Variants in GLG1 observed in about 807,000 individuals in gnomAD.
The protein encoded by GLG1 is Golgi apparatus protein 1.
GLG1 carries 38 observed loss-of-function variants against 160.5 expected under a neutral mutation model. The ratio of observed to expected loss-of-function variants is 0.24; its 90% confidence interval spans 0.18 to 0.31. The LOEUF is 0.31. GLG1 is among the 10% of genes least tolerant of loss of function. The pLI, the probability that GLG1 is intolerant of heterozygous loss-of-function variation, is 1.00. For missense variants in GLG1, 1,373 were observed against 1,505.2 expected (o/e 0.91, Z 1.45); for synonymous variants, 644 against 543.4 (o/e 1.19, Z -2.57).
chr16:74,505,228 C>G (rs1456835021), intron 3 of GLG1, among the ~76,000 whole-genome samples: 1 of 152,198 alleles, frequency 6.6e-6, no homozygotes, highest in Non-Finnish European at 1.5e-5. Context: ...TTGTCTTCAC[C>G]TCTAACTCCA....
At position 74,531,031 on chromosome 16, in the gene GLG1, G is replaced by A. The variant is rs180761232; in HGVS notation, c.471+1090C>T. Among the ~76,000 whole-genome samples, 17 of 152,204 alleles carry A rather than the reference G, an allele frequency of 1.1e-4. No individual in the cohort carries two copies. In the East Asian group the frequency reaches 2.5e-3, roughly 22 times the overall value. On this transcript the variant is annotated intron_variant, in intron 2 of 25. Transcript: ENST00000422840. ...ACTTTTTTACAAAACATTTTTTGGGGAGAAAACTTTCAATGTAATCAGATA... is the reference window on the plus strand; with the variant it reads ...ACTTTTTTACAAAACATTTTTTGGGAAGAAAACTTTCAATGTAATCAGATA...
At position 74,452,153 on chromosome 16, in the gene GLG1, G is replaced by C. The variant is rs759527869; in HGVS notation, c.*1014C>G. The stretch of plus-strand genomic sequence containing the variant: ...TAGCCTGAAAAATAAAGCAAAGTGA[G>C]TCAAACCTCTGGCTCCCACTTCCTG... On this transcript the variant is annotated 3_prime_UTR_variant, in exon 26 of 26. Coordinates refer to ENST00000422840, the MANE Select transcript of GLG1 (RefSeq NM_001145667.2). 2.5e-6 allele frequency: 4 copies of C among 1,613,230 alleles called. No homozygotes were observed. The highest frequency in any genetic ancestry group is 3.4e-6 in the Non-Finnish European group (4 of 1,179,466).
intron 1 of GLG1, among the ~76,000 whole-genome samples, chr16:74,573,581 CT>C (rs34868210): frequency 0.016 from 1,642 of 102,590 alleles, 27 homozygotes; most frequent in African/African-American, 0.043. Context: ...TTTATCTTGC[CT>C]TTTTTTTTTT....
At chr16:74,511,727 A>T (rs1270805673) in intron 2 of GLG1, among the ~76,000 whole-genome samples, 1 of 152,178 alleles carries the variant, frequency 6.6e-6, no homozygotes, top group Non-Finnish European at 1.5e-5. Flanking sequence ...TCGAATGCAA[A>T]GTCAGATGTC....
chr16:74,605,741 A>T (rs546234712), intron 1 of GLG1, among the ~76,000 whole-genome samples: 23 of 149,806 alleles, frequency 1.5e-4, no homozygotes, highest in South Asian at 1.3e-3. Flanking sequence ...TCTGATATTT[A>T]AAAAAAAAAC....
intron 8 of GLG1, among the ~76,000 whole-genome samples, chr16:74,486,713 A>G (rs1220894341): frequency 6.6e-6 from 1 of 152,178 alleles, no homozygotes; most frequent in Non-Finnish European, 1.5e-5. Context: ...ACTGAGTTCT[A>G]TTAATAGTTC....
In GLG1 at chr16:74,492,864, T is replaced by C. The variant is rs114290621; in HGVS notation, c.1234+93A>G. Reference sequence around the variant, plus strand: ...AGAAAAATACTCAAAGAAGCAAATATGGGAGGAAACTAACGTTTATATATA... The same window carrying C: ...AGAAAAATACTCAAAGAAGCAAATACGGGAGGAAACTAACGTTTATATATA... On this transcript the variant is annotated intron_variant, in intron 7 of 25. Transcript: ENST00000422840. The C allele has an allele frequency of 4.5e-3, 2,725 of 609,204 alleles. 51 individuals carry two copies. In the African/African-American group the frequency reaches 0.049, roughly 11 times the overall value. The allele number at this position is 609,204 out of a possible 1,614,324, so 37.7% of individuals were successfully genotyped here. A position where few individuals can be genotyped will look rare whatever the true frequency, so the allele number is the denominator to read the frequency against.
In GLG1 at chr16:74,599,692, G is replaced by A. The variant is rs977205874; in HGVS notation, c.438+6965C>T. Among the ~76,000 whole-genome samples, 8 of 152,118 alleles carry A rather than the reference G, an allele frequency of 5.3e-5. No individual in the cohort carries two copies. In the South Asian group the frequency reaches 1.2e-3, roughly 24 times the overall value. On this transcript the variant is annotated intron_variant, in intron 1 of 25. Coordinates refer to ENST00000422840, the MANE Select transcript of GLG1 (RefSeq NM_001145667.2). ...ATCCTGGCCAACATGGTGAAACCCC[G>A]TCTCTACTAAAAATGCAAAAAATTA...
At chr16:74,570,721 C>A (rs2018800646) in intron 1 of GLG1, among the ~76,000 whole-genome samples, 1 of 152,078 alleles carries the variant, frequency 6.6e-6, no homozygotes, top group Non-Finnish European at 1.5e-5. Context: ...CATAGTGGGA[C>A]CCTGTCTCTA....
chr16:74,577,222 T>A (rs570043098), intron 1 of GLG1, among the ~76,000 whole-genome samples: 1 of 147,448 alleles, frequency 6.8e-6, no homozygotes, highest in South Asian at 2.4e-4. Flanking sequence ...CCACTTATTT[T>A]AAAAAATAGA....
At chr16:74,602,380 C>T (rs1177290216) in intron 1 of GLG1, among the ~76,000 whole-genome samples, 1 of 152,072 alleles carries the variant, frequency 6.6e-6, no homozygotes, top group Non-Finnish European at 1.5e-5. Flanking sequence ...ACAAAAAAAA[C>T]CTTCTAGTTT....
At chr16:74,580,375 T>G in intron 1 of GLG1, among the ~76,000 whole-genome samples, 1 of 152,030 alleles carries the variant, frequency 6.6e-6, no homozygotes, top group Non-Finnish European at 1.5e-5. Flanking sequence ...AGCATCTGCC[T>G]GTCGTCCCTG....
chr16:74,553,069 A>T (rs1160495581), intron 1 of GLG1, among the ~76,000 whole-genome samples: 1 of 151,932 alleles, frequency 6.6e-6, no homozygotes, highest in African/African-American at 2.4e-5. Flanking sequence ...AAATACAAAA[A>T]ATTAGTCGGG....
chr16:74,497,576 C>G (rs1300085368), intron 4 of GLG1, among the ~76,000 whole-genome samples: 5 of 151,592 alleles, frequency 3.3e-5, no homozygotes, highest in Admixed American at 6.6e-5. Flanking sequence ...TAGCTGGGAC[C>G]ACAGGCGCCC....
chr16:74,480,153 A>T, intron 11 of GLG1, 88 bp downstream of exon 11: 1 of 1,102,716 alleles, frequency 9.1e-7, no homozygotes, highest in Non-Finnish European at 1.4e-6. Context: ...AAGTTTTCCT[A>T]ATATGACTGA....
At chr16:74,498,468 T>TATATATATATATATATATATATA (rs1491206560) in intron 4 of GLG1, among the ~76,000 whole-genome samples, 1,450 of 29,328 alleles carry the variant, frequency 0.049, 212 homozygotes, top group East Asian at 0.068. Flanking sequence ...ATATATATAT[T>TATATATATATATATATATATATA]ATATTTTATA....
At chr16:74,472,805 T>C (rs2015252432) in intron 13 of GLG1, 1 of 353,688 alleles carries the variant, frequency 2.8e-6, no homozygotes, top group Non-Finnish European at 5.5e-6. Flanking sequence ...GCCAGAGCAC[T>C]GCCCTCAAAG....
At chr16:74,533,471 AAC>A (rs2017602472) in intron 1 of GLG1, among the ~76,000 whole-genome samples, 2 of 152,024 alleles carry the variant, frequency 1.3e-5, no homozygotes, top group Non-Finnish European at 2.9e-5. Flanking sequence ...ACTGCAATAA[AAC>A]ACACCATAAG....
intron 18 of GLG1, among the ~76,000 whole-genome samples, chr16:74,466,446 A>G (rs1311980691): frequency 2.0e-5 from 3 of 152,220 alleles, no homozygotes; most frequent in African/African-American, 7.2e-5. Flanking sequence ...AAAGAAGGAA[A>G]GCAGATGGGA....
Sources: allele counts gnomAD v4.1 joint callset (sites outside exome capture counted in the v4.1 genomes callset), GRCh38; gene constraint gnomAD v4.1.1; transcripts MANE v1.5; gene names NCBI Gene and HGNC (gene_info 2026-07-23, HGNC 2026-07-21).